Variants in RBFOX1 observed in about 807,000 individuals in gnomAD.
The protein encoded by RBFOX1 is RNA binding fox-1 homolog 1.
A neutral mutation model predicts 57.7 loss-of-function variants in RBFOX1; 8 were observed. The ratio of observed to expected loss-of-function variants is 0.14; its 90% CI spans 0.08 to 0.25. The LOEUF is 0.25. Among genes scored for constraint, RBFOX1 ranks in the 10% least tolerant of loss-of-function variants. The pLI is 1.00. For synonymous variants in RBFOX1, 326 were observed against 222.4 expected, an observed-to-expected ratio of 1.47 and a Z score of -4.15; for missense variants, 611 against 548.5, an observed-to-expected ratio of 1.11 and a Z score of -1.14.
intron 4 of RBFOX1, among the ~76,000 whole-genome samples, chr16:5,967,512 C>A (rs1187108493): frequency 1.3e-5 from 2 of 152,120 alleles, no homozygotes; most frequent in Non-Finnish European, 2.9e-5. Context: ...TAGAGATGCT[C>A]ATTGTTACTG....
At chr16:7,464,134 G>T (rs1302729280) in intron 4 of RBFOX1, among the ~76,000 whole-genome samples, 1 of 152,170 alleles carries the variant, frequency 6.6e-6, no homozygotes, top group East Asian at 1.9e-4. Context: ...GTGCTCAATG[G>T]CTCTGATTTC....
intron 3 of RBFOX1, among the ~76,000 whole-genome samples, chr16:6,738,470 G>A (rs940883228): frequency 6.6e-6 from 1 of 152,060 alleles, no homozygotes; most frequent in Non-Finnish European, 1.5e-5. Context: ...TCGAATAAAA[G>A]AGCTGTAAAA....
intron 2 of RBFOX1, among the ~76,000 whole-genome samples, chr16:6,397,985 T>C (rs75357886): frequency 0.015 from 2,207 of 152,040 alleles, 56 homozygotes; most frequent in African/African-American, 0.05. Flanking sequence ...ACAAAAACAA[T>C]AGTAACAAAA....
rs148678681 is a variant in RBFOX1, at chr16:6,605,862, G to C, written c.-63-48741G>C. Reference sequence around the variant, plus strand: ...CTCCTGTAATCCCAGCACTCTAGGAGTCTGAGGCGGGTGGATCACTTGAGG... The same window carrying C: ...CTCCTGTAATCCCAGCACTCTAGGACTCTGAGGCGGGTGGATCACTTGAGG... On this transcript the variant is annotated intron_variant, in intron 2 of 15. Coordinates refer to ENST00000550418, the MANE Select transcript of RBFOX1 (RefSeq NM_018723.4). 4.6e-5 allele frequency among the ~76,000 whole-genome samples: 7 copies of C among 152,276 alleles called. No homozygotes were observed. The East Asian group carries it at 5.8e-4, about 13-fold the overall frequency.
At position 7,331,111 on chromosome 16, in the gene RBFOX1, C is replaced by T. The variant is rs140632851; in HGVS notation, c.28-187036C>T. 9.2e-5 allele frequency among the ~76,000 whole-genome samples: 14 copies of T among 152,300 alleles called. No individual in the cohort carries two copies. In the East Asian group the frequency reaches 2.7e-3, roughly 29 times the overall value. On this transcript the variant is annotated intron_variant, in intron 4 of 15. Transcript: ENST00000550418. Reference sequence around the variant, plus strand: ...AAATAATTGAATTCTCTGCCAAACCCTGTCCGCCGTCGTTATCTAGAAATG... The same window carrying T: ...AAATAATTGAATTCTCTGCCAAACCTTGTCCGCCGTCGTTATCTAGAAATG...
rs185294427 is a variant in RBFOX1 at position 5,837,956 on chromosome 16, G to T, written c.319-29347G>T. On this transcript the variant is annotated intron_variant, in intron 3 of 19. Coordinates refer to the RBFOX1 transcript ENST00000641259. ...TGTCAGATGGCTGCTTCGGAAAGAG[G>T]CAACACAGGTACAGCATTCTGGATG... Among the ~76,000 whole-genome samples the T allele has an allele frequency of 2.7e-4, 41 of 152,222 alleles. No homozygotes were observed. The East Asian group carries it at 3.7e-3, about 14-fold the overall frequency.
At chr16:7,006,257 C>G (rs150968354) in intron 3 of RBFOX1, among the ~76,000 whole-genome samples, 47 of 152,176 alleles carry the variant, frequency 3.1e-4, no homozygotes, top group Middle Eastern at 3.4e-3. Context: ...GAGGTCCAAG[C>G]GATTCTCCTG....
intron 2 of RBFOX1, among the ~76,000 whole-genome samples, chr16:6,600,750 G>A (rs1420073): frequency 0.86 from 130,668 of 152,140 alleles, 59,254 homozygotes; most frequent in East Asian, 1. Context: ...CAGACAGACA[G>A]TATAAGTAAC....
At chr16:6,944,077 C>T (rs373511849) in intron 3 of RBFOX1, among the ~76,000 whole-genome samples, 2 of 152,232 alleles carry the variant, frequency 1.3e-5, no homozygotes, top group Admixed American at 1.3e-4. Flanking sequence ...AAACCTGTGG[C>T]TCAGGCCCAG....
intron 4 of RBFOX1, among the ~76,000 whole-genome samples, chr16:5,993,664 T>A (rs1190091655): frequency 2.6e-5 from 4 of 152,194 alleles, no homozygotes; most frequent in Non-Finnish European, 4.4e-5. Context: ...TAATCAAGAT[T>A]ACCCATTTAG....
chr16:6,487,491 C>T (rs12444303), intron 2 of RBFOX1, among the ~76,000 whole-genome samples: 2 of 150,676 alleles, frequency 1.3e-5, no homozygotes, highest in Non-Finnish European at 3.0e-5. Flanking sequence ...TGCAAGTTCT[C>T]CTGAAATTAT....
chr16:7,509,361 T>A (rs992193552), intron 4 of RBFOX1, among the ~76,000 whole-genome samples: 1 of 152,018 alleles, frequency 6.6e-6, no homozygotes, highest in African/African-American at 2.4e-5. Context: ...AATGAATTCG[T>A]TTACATAATG....
chr16:5,677,096 C>T (rs914981798), intron 3 of RBFOX1, among the ~76,000 whole-genome samples: 1 of 152,140 alleles, frequency 6.6e-6, no homozygotes, highest in African/African-American at 2.4e-5. Context: ...CTTGCTCAGT[C>T]ATTATGGAGG....
At chr16:6,458,021 A>G (rs1274903938) in intron 2 of RBFOX1, among the ~76,000 whole-genome samples, 1 of 151,570 alleles carries the variant, frequency 6.6e-6, no homozygotes, top group East Asian at 1.9e-4. Flanking sequence ...GAAAAAAAAA[A>G]GAATCTCTTT....
At chr16:5,512,471 G>C (rs527569783) in intron 2 of RBFOX1, among the ~76,000 whole-genome samples, 6 of 151,834 alleles carry the variant, frequency 4.0e-5, no homozygotes, top group African/African-American at 1.4e-4. Context: ...GGATAAGTGT[G>C]TGTGTGGAGG....
At chr16:6,294,760 A>G (rs1489390854) in intron 1 of RBFOX1, among the ~76,000 whole-genome samples, 1 of 152,236 alleles carries the variant, frequency 6.6e-6, no homozygotes, top group Non-Finnish European at 1.5e-5. Flanking sequence ...TAAAATGTAT[A>G]ATTCTGGAAA....
chr16:6,398,797 C>T (rs79730591), intron 2 of RBFOX1, among the ~76,000 whole-genome samples: 5,216 of 152,240 alleles, frequency 0.034, 266 homozygotes, highest in African/African-American at 0.11. Context: ...TCCAGGCTGT[C>T]GCTAGATCTA....
chr16:5,365,263 C>T (rs1227341578), intron 1 of RBFOX1, among the ~76,000 whole-genome samples: 1 of 152,114 alleles, frequency 6.6e-6, no homozygotes, highest in East Asian at 1.9e-4. Flanking sequence ...TAATGTTGAT[C>T]AACTTGGAGT....
At chr16:7,011,660 C>T (rs1436407419) in intron 3 of RBFOX1, among the ~76,000 whole-genome samples, 1 of 152,070 alleles carries the variant, frequency 6.6e-6, no homozygotes, top group Non-Finnish European at 1.5e-5. Flanking sequence ...ACTACAGGTG[C>T]CTGCCACCAT....
Sources: allele counts gnomAD v4.1 joint callset (sites outside exome capture counted in the v4.1 genomes callset), GRCh38; gene constraint gnomAD v4.1.1; transcripts MANE v1.5; gene names NCBI Gene and HGNC (gene_info 2026-07-23, HGNC 2026-07-21).